The following ENTPD7 variants were observed in gnomAD, a reference collection of about 807,000 sequenced individuals.
ENTPD7 encodes ectonucleoside triphosphate diphosphohydrolase 7.
A neutral mutation model predicts 77.9 loss-of-function variants in ENTPD7; 53 were observed. That is an observed-to-expected ratio of 0.68 (90% CI 0.55 to 0.85). The LOEUF (loss-of-function observed/expected upper bound fraction) is 0.85, where lower values mean the gene tolerates loss of function less well. Among genes scored for constraint, ENTPD7 ranks in the 40% least tolerant of loss-of-function variants. The pLI, the probability that ENTPD7 is intolerant of heterozygous loss-of-function variation, is 0.00. For missense variants in ENTPD7, 636 were observed against 743.7 expected (o/e 0.86, Z 1.68); for synonymous variants, 248 against 274.9 (o/e 0.90, Z 0.97).
At position 99,710,359 on chromosome 10, in the gene ENTPD7, C is replaced by T. The variant is rs1211997584; in HGVS notation, c.*5676C>T. On this transcript the variant is annotated 3_prime_UTR_variant, in exon 13 of 13. Transcript: ENST00000370489. Reference sequence around the variant, plus strand: ...CCACAATTACCCTTTAGTTGAAGTCCTGAAGTACATGCCATGTACTCCCCC... The same window carrying T: ...CCACAATTACCCTTTAGTTGAAGTCTTGAAGTACATGCCATGTACTCCCCC... 2.0e-6 allele frequency: 2 copies of T among 985,342 alleles called. No individual in the cohort carries two copies. The highest frequency in any genetic ancestry group is 2.3e-4 in the East Asian group (2 of 8,814). 61.0% of individuals were successfully genotyped at this position (985,342 alleles called of 1,614,324 possible).
intron 11 of ENTPD7, 150 bp from the exon 12 acceptor site, chr10:99,702,362 C>A: frequency 1.7e-6 from 1 of 573,824 alleles, no homozygotes; most frequent in Non-Finnish European, 2.9e-6. Flanking sequence ...AGTAGGCTGA[C>A]TTAGAAATAA....
intron 3 of ENTPD7, among the ~76,000 whole-genome samples, chr10:99,676,746 T>C (rs2035686322): frequency 6.6e-6 from 1 of 152,226 alleles, no homozygotes. Context: ...ATTTGATTTA[T>C]GGGAAGATAT....
chr10:99,696,866 C>T (rs1405326420), intron 9 of ENTPD7, among the ~76,000 whole-genome samples: 1 of 152,022 alleles, frequency 6.6e-6, no homozygotes, highest in African/African-American at 2.4e-5. Context: ...ATTGTGGTGG[C>T]GTAGGTAGGG....
At chr10:99,678,399 C>T (rs969314494) in intron 3 of ENTPD7, among the ~76,000 whole-genome samples, 3 of 150,726 alleles carry the variant, frequency 2.0e-5, no homozygotes, top group Admixed American at 6.6e-5. Flanking sequence ...ACCTGGGAGG[C>T]GAAGCGTGCA....
rs958964309 is a variant in ENTPD7, at chr10:99,698,451, C to T, written c.1011-83C>T. 83 of 1,338,396 alleles carry T rather than the reference C, an allele frequency of 6.2e-5. No individual in the cohort carries two copies. The African/African-American group carries it at 1.1e-3, about 18-fold the overall frequency. 82.9% of individuals were successfully genotyped at this position (1,338,396 alleles called of 1,614,324 possible). On this transcript the variant is annotated intron_variant, in intron 9 of 12. Transcript: ENST00000370489. ...CATGAAAACCAGTAGTAAGATATTT[C>T]TGATGCACATTGTGTTTCTTAGACT...
Position 99,695,321 on chromosome 10 carries a change from G to A in ENTPD7, c.844-635G>A, listed in dbSNP as rs533209048. ...GGGCTGATCATGAGGTCAAGAGATC[G>A]AGAACATCCTGGCCAACATGGTGAA... On this transcript the variant is annotated intron_variant, in intron 8 of 12. Transcript: ENST00000370489. Among the ~76,000 whole-genome samples the A allele has an allele frequency of 1.4e-4, 22 of 152,130 alleles. No homozygotes were observed. In the East Asian group the frequency reaches 2.7e-3, roughly 19 times the overall value.
intron 12 of ENTPD7, 74 bp downstream of exon 12, chr10:99,702,747 CTTTT>C: frequency 8.9e-7 from 1 of 1,125,624 alleles, no homozygotes; most frequent in Non-Finnish European, 1.2e-6. Context: ...CGGTTTCTTT[CTTTT>C]TTTTTTTAAC....
rs1483632428 is a variant in ENTPD7 at position 99,702,547 on chromosome 10, T to A, written c.1457T>A (p.Val486Asp). 1 of 1,606,916 alleles carries A rather than the reference T, an allele frequency of 6.2e-7. No individual in the cohort carries two copies. The highest frequency in any genetic ancestry group is 8.5e-7 in the Non-Finnish European group (1 of 1,176,718). Residue 486 changes from valine to aspartate, a missense_variant, in exon 12 of 13, where the codon GTC becomes GAC. Val to Asp is a radical substitution (Grantham distance 152, BLOSUM62 -3). This residue lies in a region of ENTPD7 where 138 missense variants were observed against 150.9 expected (regional missense o/e 0.91). Transcript: ENST00000370489. ...TTTAAATCGGCTTGGATGTACCAAG[T>A]CTTACATGAAGGATTCCACTTTCCC... ...QCFKSAWMYQ[V>D]LHEGFHFPYD...
chr10:99,688,566 G>T, intron 6 of ENTPD7, 128 bp from the exon 7 acceptor site: 1 of 747,492 alleles, frequency 1.3e-6, no homozygotes, highest in South Asian at 3.0e-5. Context: ...TTCCTACATT[G>T]AGAGTATGGA....
intron 8 of ENTPD7, among the ~76,000 whole-genome samples, chr10:99,693,992 TGAAA>T (rs1339634118): frequency 3.3e-5 from 5 of 151,784 alleles, no homozygotes; most frequent in Non-Finnish European, 7.4e-5. Flanking sequence ...TTGGTAAAAA[TGAAA>T]GAAACTGTGA....
chr10:99,677,296 G>A (rs1418220482), intron 3 of ENTPD7, among the ~76,000 whole-genome samples: 1 of 148,462 alleles, frequency 6.7e-6, no homozygotes, highest in Non-Finnish European at 1.5e-5. Flanking sequence ...GGGGTTCTGT[G>A]TAAGAGCCTT....
At chr10:99,690,508 T>A (rs1391453711) in intron 7 of ENTPD7, among the ~76,000 whole-genome samples, 1 of 152,136 alleles carries the variant, frequency 6.6e-6, no homozygotes, top group Admixed American at 6.6e-5. Context: ...GATATTGACA[T>A]AAACATTTAT....
chr10:99,661,775 C>A, intron 3 of ENTPD7, 147 bp downstream of exon 3: 2 of 744,198 alleles, frequency 2.7e-6, no homozygotes, highest in African/African-American at 1.8e-5. Flanking sequence ...ATTTTAAGCC[C>A]TATTTTGGCA....
chr10:99,691,643 C>G (rs1025851530), intron 8 of ENTPD7, 125 bp downstream of exon 8: 1 of 1,066,374 alleles, frequency 9.4e-7, no homozygotes. Context: ...TGCTAGCTTG[C>G]GTTATCTTGA....
chr10:99,662,298 A>G (rs540991337), intron 3 of ENTPD7, among the ~76,000 whole-genome samples: 11 of 151,452 alleles, frequency 7.3e-5, no homozygotes, highest in East Asian at 3.9e-4. Context: ...TTATGTTTCC[A>G]TTTTATCTCT....
Position 99,661,562 on chromosome 10 carries a change from T to C in ENTPD7, c.125T>C (p.Leu42Ser). ...LGLFFISCLL[L>S]LMLIIDFRHW... ...CTCTTCTTCATATCCTGTCTCCTTT[T>C]ACTTATGTTAATCATAGACTTTCGA... The change falls in exon 3 of 13, where the codon TTA (leucine) becomes TCA (serine). Residue 42 changes from leucine (L) to serine (S), a missense_variant. Leu to Ser is a moderately radical substitution (Grantham distance 145). Transcript: ENST00000370489. 1 of 1,613,998 alleles carries C rather than the reference T, an allele frequency of 6.2e-7. No homozygotes were observed. Among genetic ancestry groups the C allele is most frequent in the South Asian group, 1.1e-5 (1 of 91,048 alleles).
In ENTPD7 at chr10:99,696,084, C is replaced by T. The variant is rs144074709; in HGVS notation, c.972C>T (p.Tyr324=). Residue 324 remains tyrosine, a synonymous_variant, in exon 9 of 13, where the codon TAC becomes TAT. Coordinates refer to ENST00000370489, the MANE Select transcript of ENTPD7 (RefSeq NM_020354.5). The part of the protein sequence containing the change: ...GFGGNFARQR[Y]EDLVLNETLN... ...GAGGCAACTTTGCCCGGCAGCGCTA[C>T]GAAGACCTTGTTCTGAATGAAACTC... 4.3e-5 allele frequency: 69 copies of T among 1,614,022 alleles called. No individual in the cohort carries two copies. The highest frequency in any genetic ancestry group is 1.1e-4 in the East Asian group (5 of 44,900).
At chr10:99,681,300 A>T (rs145207574) in intron 5 of ENTPD7, among the ~76,000 whole-genome samples, 2 of 143,648 alleles carry the variant, frequency 1.4e-5, no homozygotes, top group East Asian at 4.3e-4. Flanking sequence ...ATTTACTGAG[A>T]CAGGGTCTCG....
At position 99,706,796 on chromosome 10, in the gene ENTPD7, A is replaced by C. The variant is rs2036262680; in HGVS notation, c.*2113A>C. 6.6e-6 allele frequency among the ~76,000 whole-genome samples: 1 copy of C among 152,192 alleles called. No homozygotes were observed. The highest frequency in any genetic ancestry group is 1.5e-5 in the Non-Finnish European group (1 of 68,040). ...ATGTCAAAATATGTTTTAGCTGCCT[A>C]CTCAGGTAACGTTTTCTTTTGCTCT... On this transcript the variant is annotated 3_prime_UTR_variant, in exon 13 of 13. Coordinates refer to ENST00000370489, the MANE Select transcript of ENTPD7 (RefSeq NM_020354.5).
Sources: allele counts gnomAD v4.1 joint callset (sites outside exome capture counted in the v4.1 genomes callset), GRCh38; gene constraint gnomAD v4.1.1; regional missense constraint gnomAD v4.1.1; transcripts MANE v1.5; gene names NCBI Gene and HGNC (gene_info 2026-07-23, HGNC 2026-07-21).